The following SIPA1L2 variants were observed in gnomAD, a reference collection of about 807,000 sequenced individuals.
The protein encoded by SIPA1L2 is signal-induced proliferation-associated 1-like protein 2.
A neutral mutation model predicts 163.9 loss-of-function variants in SIPA1L2; 56 were observed. That is an observed-to-expected ratio of 0.34 (90% CI 0.28 to 0.43). The LOEUF (loss-of-function observed/expected upper bound fraction) is 0.43, where lower values mean the gene tolerates loss of function less well. Among genes scored for constraint, SIPA1L2 ranks in the 20% least tolerant of loss-of-function variants. The probability of loss-of-function intolerance (pLI) is 1.00; values close to 1 mark genes in which losing one functional copy is unlikely to be tolerated. For synonymous variants in SIPA1L2, 877 were observed against 865.7 expected (o/e 1.01, Z -0.23); for missense variants, 1,974 against 2,193.5 (o/e 0.90, Z 2.00).
chr1:232,517,111 A>G (rs573652698), intron 2 of SIPA1L2, among the ~76,000 whole-genome samples: 80 of 152,340 alleles, frequency 5.3e-4, no homozygotes, highest in Middle Eastern at 3.4e-3. Context: ...TGCACTAGAA[A>G]GTTGTATTCT....
intron 2 of SIPA1L2, among the ~76,000 whole-genome samples, chr1:232,537,185 T>G (rs867293290): frequency 7.2e-4 from 109 of 152,104 alleles, no homozygotes; most frequent in African/African-American, 2.5e-3. Flanking sequence ...TACAGTGAAC[T>G]GTGATTGTGC....
chr1:232,532,528 A>G (rs755041966), intron 2 of SIPA1L2, among the ~76,000 whole-genome samples: 5 of 152,202 alleles, frequency 3.3e-5, no homozygotes, highest in Non-Finnish European at 7.3e-5. Flanking sequence ...AAACTCAGCT[A>G]TATGTTCAAA....
chr1:232,595,378 G>A (rs1215414301), intron 1 of SIPA1L2, among the ~76,000 whole-genome samples: 1 of 152,170 alleles, frequency 6.6e-6, no homozygotes, highest in Non-Finnish European at 1.5e-5. Context: ...TGCAAAGTCT[G>A]GGCCCCAAAC....
chr1:232,480,866 C>T (rs562420327), intron 6 of SIPA1L2, among the ~76,000 whole-genome samples: 2 of 152,108 alleles, frequency 1.3e-5, no homozygotes, highest in South Asian at 4.2e-4. Context: ...AACATTCAAC[C>T]TTCACGGACT....
At chr1:232,484,754 T>A (rs1038078249) in intron 5 of SIPA1L2, among the ~76,000 whole-genome samples, 4 of 152,194 alleles carry the variant, frequency 2.6e-5, no homozygotes, top group Non-Finnish European at 5.9e-5. Flanking sequence ...ACCTTTCTTA[T>A]GTCCCCCAAA....
chr1:232,513,795 T>G (rs1667088145), intron 3 of SIPA1L2, 62 bp downstream of exon 3: 1 of 1,501,578 alleles, frequency 6.7e-7, no homozygotes, highest in Admixed American at 2.3e-5. Context: ...AGCAAAACAT[T>G]GTGACTGGTT....
chr1:232,483,999 A>G, intron 5 of SIPA1L2, 33 bp from the exon 6 acceptor site: 6 of 1,583,280 alleles, frequency 3.8e-6, no homozygotes, highest in Non-Finnish European at 3.4e-6. Context: ...TTACTTGGCA[A>G]AGCATATCAG....
intron 1 of SIPA1L2, among the ~76,000 whole-genome samples, chr1:232,587,397 A>AT (rs1660727925): frequency 6.6e-6 from 1 of 152,158 alleles, no homozygotes; most frequent in African/African-American, 2.4e-5. Flanking sequence ...GTTCTGTCTC[A>AT]TTTAGCACCT....
chr1:232,540,287 A>C (rs577864566), intron 2 of SIPA1L2, among the ~76,000 whole-genome samples: 1 of 152,242 alleles, frequency 6.6e-6, no homozygotes, highest in South Asian at 2.1e-4. Context: ...CTGGGAGACA[A>C]GAATGAAACT....
chr1:232,445,361 C>T lies in SIPA1L2; in HGVS notation c.3353+168G>A, dbSNP rs567532103. On this transcript the variant is annotated intron_variant, in intron 11 of 22. Coordinates refer to ENST00000674635, the MANE Select transcript of SIPA1L2 (RefSeq NM_020808.5). ...GCACCATCTTGGGGCCAGGAGAGTG[C>T]CCGACCCCAGGCACCACTGTGTCTG... Among the ~76,000 whole-genome samples the T allele has an allele frequency of 5.3e-5, 8 of 152,270 alleles. No homozygotes were observed. The South Asian group carries it at 1.7e-3, about 32-fold the overall frequency.
intron 8 of SIPA1L2, among the ~76,000 whole-genome samples, chr1:232,466,044 T>G (rs1664495971): frequency 6.6e-6 from 1 of 152,096 alleles, no homozygotes; most frequent in Non-Finnish European, 1.5e-5. Context: ...GCCTGTGGCA[T>G]TAGTACGGCA....
chr1:232,508,829 C>T (rs1666851808), intron 3 of SIPA1L2, among the ~76,000 whole-genome samples: 1 of 152,318 alleles, frequency 6.6e-6, no homozygotes, highest in Middle Eastern at 3.4e-3. Context: ...CGGTGGCTCA[C>T]GCCTGTAATC....
chr1:232,595,284 CACAAAGCCTCGGGGCA>C (rs1157061387), intron 1 of SIPA1L2, among the ~76,000 whole-genome samples: 3 of 152,158 alleles, frequency 2.0e-5, no homozygotes, highest in Non-Finnish European at 4.4e-5. Flanking sequence ...GTCCAATGGG[CACAAAGCCTCGGGGCA>C]ACAAAGAAGG....
At position 232,443,586 on chromosome 1, in the gene SIPA1L2, TA is replaced by T; in HGVS notation, c.3437+15del. The T allele has an allele frequency of 6.4e-7, 1 of 1,553,376 alleles. No homozygotes were observed. The stretch of plus-strand genomic sequence containing the variant: ...GGTTCCTCCCAGTGGATAACTAAGA[TA>T]AAAATGAACAGTACCCGTCGTAGCC... On this transcript the variant is annotated intron_variant, in intron 12 of 22. Transcript: ENST00000674635.
intron 3 of SIPA1L2, among the ~76,000 whole-genome samples, chr1:232,495,945 G>C (rs890171910): frequency 2.6e-5 from 4 of 152,160 alleles, no homozygotes; most frequent in African/African-American, 9.7e-5. Flanking sequence ...TATTACAAAA[G>C]AGTAAAAAAG....
chr1:232,583,558 T>C (rs1489156101), intron 1 of SIPA1L2, among the ~76,000 whole-genome samples: 1 of 152,200 alleles, frequency 6.6e-6, no homozygotes, highest in Non-Finnish European at 1.5e-5. Flanking sequence ...TCTAACTTAA[T>C]GATGTTTCAA....
At position 232,572,969 on chromosome 1, in the gene SIPA1L2, C is replaced by T. The variant is rs370095079; in HGVS notation, c.-270+1205G>A. 1.2e-3 allele frequency among the ~76,000 whole-genome samples: 180 copies of T among 151,494 alleles called. 1 individual carries two copies. Among genetic ancestry groups the T allele is most frequent in the African/African-American group, 4.1e-3 (168 of 41,314 alleles). ...AATTTTTTTGTATTTTTAGTAGAGACGGGGTTTCTCCATGTTGGTCAGGGT... is the reference window on the plus strand; with the variant it reads ...AATTTTTTTGTATTTTTAGTAGAGATGGGGTTTCTCCATGTTGGTCAGGGT... On this transcript the variant is annotated intron_variant, in intron 2 of 22. Transcript: ENST00000674635.
At chr1:232,431,601 G>A (rs922230078) in intron 16 of SIPA1L2, among the ~76,000 whole-genome samples, 1 of 152,192 alleles carries the variant, frequency 6.6e-6, no homozygotes, top group African/African-American at 2.4e-5. Flanking sequence ...ATTCTGTTAA[G>A]CTTCTTTACG....
chr1:232,461,525 T>C (rs995928027), intron 9 of SIPA1L2, among the ~76,000 whole-genome samples: 1 of 152,198 alleles, frequency 6.6e-6, no homozygotes, highest in African/African-American at 2.4e-5. Flanking sequence ...TTTCCTTTAT[T>C]AGGTAAATTG....
Sources: allele counts gnomAD v4.1 joint callset (sites outside exome capture counted in the v4.1 genomes callset), GRCh38; gene constraint gnomAD v4.1.1; transcripts MANE v1.5; gene names NCBI Gene and HGNC (gene_info 2026-07-23, HGNC 2026-07-21).